The following CNPY1 variants were observed in gnomAD, a reference collection of about 807,000 sequenced individuals.
The protein encoded by CNPY1 is protein canopy homolog 1.
In CNPY1, 14 loss-of-function variants were observed where a neutral mutation model predicts 14.4. That is an observed-to-expected ratio of 0.97 (90% CI 0.64 to 1.52). CNPY1 has a LOEUF of 1.52. Among genes scored for constraint, CNPY1 ranks in the 40% most tolerant of loss-of-function variants. CNPY1 has a pLI of 0.00. For synonymous variants in CNPY1, 43 were observed against 46.5 expected (o/e 0.92, Z 0.31); for missense variants, 129 against 131.5 (o/e 0.98, Z 0.09).
At chr7:155,532,876 G>A (rs1796964753) in intron 2 of CNPY1, among the ~76,000 whole-genome samples, 1 of 152,028 alleles carries the variant, frequency 6.6e-6, no homozygotes, top group East Asian at 1.9e-4. Flanking sequence ...CTGGCTATGC[G>A]TGTTGGGAGT....
chr7:155,513,366 C>T (rs1398442139), intron 2 of CNPY1, among the ~76,000 whole-genome samples: 1 of 152,144 alleles, frequency 6.6e-6, no homozygotes, highest in Non-Finnish European at 1.5e-5. Context: ...GTGCTTCCAG[C>T]CACCGTAAAC....
rs375605205 is a variant in CNPY1 at position 155,508,933 on chromosome 7, C to T, written c.264G>A (p.Leu88=). ...GDKIYQEFKK[L]YFYSDAYRPL... ...GTCTGTAAGCATCAGAATAAAAATA[C>T]AATTTTTTAAATTCTTGGTATATTT... Residue 88 remains leucine, a synonymous_variant, in exon 3 of 5, where the codon TTG becomes TTA. Transcript: ENST00000636446. 3 of 1,613,470 alleles carry T rather than the reference C, an allele frequency of 1.9e-6. No homozygotes were observed. Among genetic ancestry groups the T allele is most frequent in the South Asian group, 1.1e-5 (1 of 90,894 alleles).
chr7:155,513,271 AT>A (rs1481312458), intron 2 of CNPY1, among the ~76,000 whole-genome samples: 1 of 152,228 alleles, frequency 6.6e-6, no homozygotes, highest in Non-Finnish European at 1.5e-5. Flanking sequence ...TCAGAAAAAA[AT>A]GAATTGCATC....
chr7:155,529,282 C>T (rs1432728103), intron 2 of CNPY1, among the ~76,000 whole-genome samples: 1 of 152,166 alleles, frequency 6.6e-6, no homozygotes, highest in African/African-American at 2.4e-5. Context: ...GATTTGGACC[C>T]TGAGCCTCCA....
intron 2 of CNPY1, among the ~76,000 whole-genome samples, chr7:155,531,665 C>G (rs1796939731): frequency 6.6e-6 from 1 of 152,176 alleles, no homozygotes; most frequent in South Asian, 2.1e-4. Context: ...CTTCTGTTTC[C>G]TAAGAGCAGC....
intron 2 of CNPY1, among the ~76,000 whole-genome samples, chr7:155,542,990 C>T (rs1344813380): frequency 2.6e-5 from 4 of 152,126 alleles, no homozygotes; most frequent in East Asian, 3.9e-4. Flanking sequence ...GCCACTCACT[C>T]GCTTTGCTTC....
chr7:155,531,967 C>T (rs1303204818), intron 2 of CNPY1, among the ~76,000 whole-genome samples: 1 of 152,250 alleles, frequency 6.6e-6, no homozygotes, highest in Non-Finnish European at 1.5e-5. Context: ...GTCACTCCCC[C>T]TGCGTGGATC....
chr7:155,510,194 T>C (rs1395766159), intron 2 of CNPY1: 1 of 152,224 alleles, frequency 6.6e-6, no homozygotes, highest in Non-Finnish European at 1.5e-5. Flanking sequence ...CCGCGCTACA[T>C]TCACAGGCGC....
chr7:155,509,929 A>G (rs2116690067), intron 2 of CNPY1, among the ~76,000 whole-genome samples: 1 of 152,258 alleles, frequency 6.6e-6, no homozygotes, highest in East Asian at 1.9e-4. Context: ...AGACAGGTCA[A>G]GGTGCAGGAT....
chr7:155,529,869 A>C (rs986108376), intron 2 of CNPY1, among the ~76,000 whole-genome samples: 3 of 150,484 alleles, frequency 2.0e-5, no homozygotes, highest in Admixed American at 2.0e-4. Flanking sequence ...TGCAACCTCT[A>C]CCTCCCTGGC....
intron 4 of CNPY1, 22 bp from the exon 5 acceptor site, chr7:155,503,127 G>C (rs946983482): frequency 6.4e-7 from 1 of 1,572,592 alleles, no homozygotes; most frequent in African/African-American, 1.4e-5. Context: ...AAAAAAAGTA[G>C]ATAGCATCAT....
Position 155,501,543 on chromosome 7 carries a change from T to A in CNPY1, c.*1525A>T, listed in dbSNP as rs1402409104. On this transcript the variant is annotated 3_prime_UTR_variant, in exon 5 of 5. Transcript: ENST00000636446. Reference sequence around the variant, plus strand: ...GAATAATTGTCCTGTTTAGTGCATTTCCCAAGAAAATCCAAGTTAGGAGAA... The same window carrying A: ...GAATAATTGTCCTGTTTAGTGCATTACCCAAGAAAATCCAAGTTAGGAGAA... 6.6e-6 allele frequency: 1 copy of A among 152,196 alleles called. No individual in the cohort carries two copies. The highest frequency in any genetic ancestry group is 2.4e-5 in the African/African-American group (1 of 41,434). 9.4% of individuals were successfully genotyped at this position (152,196 alleles called of 1,614,324 possible).
chr7:155,546,038 C>T (rs1443775458), intron 1 of CNPY1, 95 bp from the exon 2 acceptor site: 1 of 398,278 alleles, frequency 2.5e-6, no homozygotes, highest in African/African-American at 2.1e-5. Context: ...CTAGCTAGAA[C>T]AGGGACAGTG....
intron 2 of CNPY1, among the ~76,000 whole-genome samples, chr7:155,528,873 A>G (rs112732639): frequency 2.4e-4 from 36 of 152,270 alleles, no homozygotes; most frequent in Non-Finnish European, 3.4e-4. Flanking sequence ...ATCCTGGCTA[A>G]CATGATGAAA....
intron 2 of CNPY1, among the ~76,000 whole-genome samples, chr7:155,514,304 A>G (rs1439245377): frequency 6.6e-6 from 1 of 152,240 alleles, no homozygotes; most frequent in Non-Finnish European, 1.5e-5. Context: ...GGAAAAGAAC[A>G]TGTGCCCAGT....
chr7:155,541,466 C>T (rs1797083240), intron 2 of CNPY1, among the ~76,000 whole-genome samples: 1 of 152,234 alleles, frequency 6.6e-6, no homozygotes, highest in African/African-American at 2.4e-5. Flanking sequence ...ACATTGAAGA[C>T]TTCTGAGCTA....
At chr7:155,539,992 A>G (rs1267196406) in intron 2 of CNPY1, among the ~76,000 whole-genome samples, 3 of 152,184 alleles carry the variant, frequency 2.0e-5, no homozygotes, top group Non-Finnish European at 4.4e-5. Context: ...CAAAGCCTCC[A>G]GGGTCATCAC....
intron 3 of CNPY1, 91 bp downstream of exon 3, chr7:155,508,803 C>G: frequency 7.2e-7 from 1 of 1,380,466 alleles, no homozygotes; most frequent in Non-Finnish European, 1.0e-6. Flanking sequence ...TGTCTTGAAA[C>G]TCAACCACAA....
chr7:155,509,152 G>T, intron 2 of CNPY1, 55 bp from the exon 3 acceptor site: 1 of 1,082,146 alleles, frequency 9.2e-7, no homozygotes, highest in South Asian at 1.6e-5. Context: ...TTACTTCAAA[G>T]ACCTTCCGGC....
Sources: allele counts gnomAD v4.1 joint callset (sites outside exome capture counted in the v4.1 genomes callset), GRCh38; gene constraint gnomAD v4.1.1; transcripts MANE v1.5; gene names NCBI Gene and HGNC (gene_info 2026-07-23, HGNC 2026-07-21).